CEP85L: variants seen among roughly 807,000 people sequenced by gnomAD.
The protein encoded by CEP85L is centrosomal protein 85L.
CEP85L carries 60 observed loss-of-function variants against 100.3 expected under a neutral mutation model. That is an observed-to-expected ratio of 0.60 (90% CI 0.49 to 0.74). The LOEUF (loss-of-function observed/expected upper bound fraction) is 0.74, where lower values mean the gene tolerates loss of function less well. CEP85L is among the 30% of genes least tolerant of loss of function. CEP85L has a pLI of 0.00. For missense variants in CEP85L, 973 were observed against 936.2 expected, an observed-to-expected ratio of 1.04 and a Z score of -0.51; for synonymous variants, 319 against 322.7, an observed-to-expected ratio of 0.99 and a Z score of 0.12.
chr6:118,558,972 C>T (rs996756205), intron 3 of CEP85L: 1 of 1,612,600 alleles, frequency 6.2e-7, no homozygotes, highest in East Asian at 2.2e-5. Context: ...GAGCCTCAAC[C>T]ATTGAAATGC....
At chr6:118,600,345 G>GTC (rs1562297965) in intron 2 of CEP85L, among the ~76,000 whole-genome samples, 1 of 136,310 alleles carries the variant, frequency 7.3e-6, no homozygotes, top group African/African-American at 2.7e-5. Flanking sequence ...GTGTGTGTGT[G>GTC]TGTGTGTGTG....
chr6:118,593,469 AAG>A (rs1434384445), intron 2 of CEP85L, among the ~76,000 whole-genome samples: 3 of 151,874 alleles, frequency 2.0e-5, no homozygotes, highest in Non-Finnish European at 4.4e-5. Context: ...TGGCAGGAGG[AAG>A]AGAGAGAGGA....
intron 1 of CEP85L, among the ~76,000 whole-genome samples, chr6:118,645,500 T>C (rs1435587944): frequency 1.3e-5 from 2 of 152,068 alleles, no homozygotes; most frequent in Non-Finnish European, 2.9e-5. Context: ...TGAGACCTCA[T>C]CTCTACAGAA....
intron 1 of CEP85L, among the ~76,000 whole-genome samples, chr6:118,667,468 A>G (rs781223716): frequency 3.3e-5 from 5 of 152,228 alleles, no homozygotes; most frequent in Non-Finnish European, 5.9e-5. Context: ...TGGATCTTAG[A>G]CATGAACTAA....
intron 11 of CEP85L, 28 bp from the exon 12 acceptor site, chr6:118,469,331 G>A: frequency 6.4e-7 from 1 of 1,564,632 alleles, no homozygotes; most frequent in Non-Finnish European, 8.8e-7. Context: ...ACAAACATCA[G>A]ATTGTTAGAA....
At chr6:118,543,402 T>C (rs1016792728) in intron 3 of CEP85L, among the ~76,000 whole-genome samples, 1 of 152,164 alleles carries the variant, frequency 6.6e-6, no homozygotes, top group African/African-American at 2.4e-5. Context: ...AAATATCTTA[T>C]TGAGCCTTCT....
intron 3 of CEP85L, among the ~76,000 whole-genome samples, chr6:118,552,806 A>C (rs1307998598): frequency 6.6e-6 from 1 of 152,098 alleles, no homozygotes; most frequent in African/African-American, 2.4e-5. Context: ...ATCCACAGAC[A>C]TAAGATACTC....
At chr6:118,540,047 G>A (rs555123298) in intron 3 of CEP85L, among the ~76,000 whole-genome samples, 5 of 150,716 alleles carry the variant, frequency 3.3e-5, no homozygotes, top group East Asian at 2.0e-4. Context: ...TGCTGATGCC[G>A]ATGTCTTTTT....
chr6:118,642,822 C>T (rs767004099), intron 1 of CEP85L, among the ~76,000 whole-genome samples: 4 of 150,882 alleles, frequency 2.7e-5, no homozygotes, highest in Non-Finnish European at 4.4e-5. Flanking sequence ...ACTTGGGAGG[C>T]GGAGGTTGCA....
At chr6:118,633,258 G>A (rs1231933695) in intron 1 of CEP85L, among the ~76,000 whole-genome samples, 1 of 149,194 alleles carries the variant, frequency 6.7e-6, no homozygotes, top group Non-Finnish European at 1.5e-5. Flanking sequence ...TGGGTGGAGT[G>A]CAGTGGCGCG....
At chr6:118,583,065 G>A (rs1479391289) in intron 2 of CEP85L, among the ~76,000 whole-genome samples, 2 of 152,236 alleles carry the variant, frequency 1.3e-5, no homozygotes, top group Non-Finnish European at 2.9e-5. Context: ...GAATGCCCAG[G>A]CAGCAAGACG....
At chr6:118,621,451 T>G (rs1773438500) in intron 2 of CEP85L, among the ~76,000 whole-genome samples, 1 of 152,168 alleles carries the variant, frequency 6.6e-6, no homozygotes, top group Non-Finnish European at 1.5e-5. Context: ...CCGACTTTCG[T>G]GGATGGTCCT....
chr6:118,688,424 A>G (rs938419500), intron 1 of CEP85L, among the ~76,000 whole-genome samples: 2 of 152,202 alleles, frequency 1.3e-5, no homozygotes, highest in African/African-American at 2.4e-5. Context: ...AGCACCTAGC[A>G]TATGGTAAAT....
In CEP85L at chr6:118,566,185, C is replaced by T. The variant is rs774795130; in HGVS notation, c.364G>A (p.Gly122Ser). 2 of 1,614,016 alleles carry T rather than the reference C, an allele frequency of 1.2e-6. No homozygotes were observed. Among genetic ancestry groups the T allele is most frequent in the Admixed American group, 1.7e-5 (1 of 60,000 alleles). The change falls in exon 3 of 13, where the codon GGC (glycine) becomes AGC (serine). Residue 122 changes from glycine to serine, a missense_variant. By Grantham distance (56) the Gly-to-Ser change is moderately conservative. Transcript: ENST00000368491. ...ATGAGGCTTGTACTCCATTTTGAGCCATCTGGTGTCAATGATTCCCTAAGT... is the reference window on the plus strand; with the variant it reads ...ATGAGGCTTGTACTCCATTTTGAGCTATCTGGTGTCAATGATTCCCTAAGT... ...SKLRESLTPD[G>S]SKWSTSLMQT...
intron 5 of CEP85L, among the ~76,000 whole-genome samples, chr6:118,494,109 C>T (rs1349155755): frequency 6.6e-6 from 1 of 152,146 alleles, no homozygotes; most frequent in Non-Finnish European, 1.5e-5. Flanking sequence ...AGGTTCATAA[C>T]CTAATAAAGC....
At chr6:118,631,570 A>T (rs1171741472) in intron 2 of CEP85L, among the ~76,000 whole-genome samples, 2 of 152,178 alleles carry the variant, frequency 1.3e-5, no homozygotes, top group African/African-American at 4.8e-5. Context: ...AAACATCCCA[A>T]ATGTTTTTCA....
chr6:118,512,500 T>C (rs1367487283), intron 4 of CEP85L, among the ~76,000 whole-genome samples: 1 of 152,170 alleles, frequency 6.6e-6, no homozygotes, highest in Non-Finnish European at 1.5e-5. Flanking sequence ...TGAAACCAGT[T>C]AACATTTAGC....
intron 1 of CEP85L, among the ~76,000 whole-genome samples, chr6:118,686,692 C>A (rs1229815111): frequency 1.3e-5 from 2 of 152,164 alleles, no homozygotes; most frequent in African/African-American, 4.8e-5. Context: ...GTGTTGAGGT[C>A]TTTGTGTGGA....
At chr6:118,585,528 C>T (rs975671798) in intron 2 of CEP85L, among the ~76,000 whole-genome samples, 2 of 152,142 alleles carry the variant, frequency 1.3e-5, no homozygotes, top group Non-Finnish European at 2.9e-5. Flanking sequence ...AGAAATTAAA[C>T]CTCAGTACTC....
Sources: allele counts gnomAD v4.1 joint callset (sites outside exome capture counted in the v4.1 genomes callset), GRCh38; gene constraint gnomAD v4.1.1; transcripts MANE v1.5; gene names NCBI Gene and HGNC (gene_info 2026-07-23, HGNC 2026-07-21).